Variants in ADGRG6 observed in about 807,000 individuals in gnomAD.
The protein encoded by ADGRG6 is G-protein coupled receptor 126.
Under a neutral mutation model 142.4 loss-of-function variants are expected in ADGRG6, and 84 were observed. The observed-to-expected ratio is 0.59, with a 90% CI of 0.49 to 0.71. ADGRG6 has a LOEUF of 0.71. Among genes scored for constraint, ADGRG6 ranks in the 30% least tolerant of loss-of-function variants. The pLI is 0.00. For synonymous variants in ADGRG6, 521 were observed against 520.5 expected (o/e 1.00, Z -0.01); for missense variants, 1,367 against 1,466.6 (o/e 0.93, Z 1.11).
chr6:142,381,724 T>A (rs1781780182), intron 4 of ADGRG6, among the ~76,000 whole-genome samples: 1 of 152,200 alleles, frequency 6.6e-6, no homozygotes, highest in African/African-American at 2.4e-5. Flanking sequence ...TTTCTTTTCA[T>A]GTGTGATGAC....
intron 22 of ADGRG6, among the ~76,000 whole-genome samples, chr6:142,434,663 G>A (rs901235938): frequency 6.6e-6 from 1 of 152,078 alleles, no homozygotes; most frequent in Admixed American, 6.5e-5. Flanking sequence ...TGAAATCAAT[G>A]ACCAAATATA....
At chr6:142,393,857 G>A (rs1775032801) in intron 8 of ADGRG6, 39 bp from the exon 9 acceptor site, 1 of 1,220,892 alleles carries the variant, frequency 8.2e-7, no homozygotes, top group Non-Finnish European at 1.2e-6. Flanking sequence ...GATGTAGTTG[G>A]TGAGGTGGAT....
At chr6:142,394,926 G>C (rs1005052665) in intron 9 of ADGRG6, among the ~76,000 whole-genome samples, 3 of 152,016 alleles carry the variant, frequency 2.0e-5, no homozygotes, top group African/African-American at 7.2e-5. Context: ...TTGTTGTGAA[G>C]CAAAAGTTTC....
At chr6:142,428,171 G>C (rs1009906282) in intron 22 of ADGRG6, among the ~76,000 whole-genome samples, 17 of 151,762 alleles carry the variant, frequency 1.1e-4, no homozygotes, top group African/African-American at 3.9e-4. Flanking sequence ...TAATTATATG[G>C]GTACTCACAT....
At chr6:142,314,596 C>T (rs957165102) in intron 2 of ADGRG6, among the ~76,000 whole-genome samples, 4 of 152,108 alleles carry the variant, frequency 2.6e-5, no homozygotes, top group Non-Finnish European at 4.4e-5. Context: ...TTCTTGCTTT[C>T]GTGTATCAAT....
intron 2 of ADGRG6, among the ~76,000 whole-genome samples, chr6:142,317,877 T>A (rs1160082287): frequency 9.2e-5 from 7 of 76,414 alleles, no homozygotes; most frequent in Admixed American, 5.2e-4. Flanking sequence ...TTTTATATAT[T>A]ATATATATTT....
intron 2 of ADGRG6, among the ~76,000 whole-genome samples, chr6:142,359,174 T>A (rs922542571): frequency 3.1e-5 from 4 of 129,032 alleles, no homozygotes; most frequent in African/African-American, 6.2e-5. Context: ...ACCAGTGCAC[T>A]CCAGCCTGGG....
chr6:142,404,134 G>T (rs778375496), intron 14 of ADGRG6, 161 bp downstream of exon 14: 45 of 627,464 alleles, frequency 7.2e-5, no homozygotes, highest in Admixed American at 1.2e-4. Context: ...AAAGTATTGT[G>T]GGAGCTCAGA....
intron 22 of ADGRG6, among the ~76,000 whole-genome samples, chr6:142,429,830 T>C (rs1582682145): frequency 6.6e-6 from 1 of 151,992 alleles, no homozygotes; most frequent in South Asian, 2.1e-4. Flanking sequence ...GGCAGGAGGG[T>C]TTCTTGAGAC....
At chr6:142,328,943 T>C (rs551646439) in intron 2 of ADGRG6, among the ~76,000 whole-genome samples, 4 of 152,190 alleles carry the variant, frequency 2.6e-5, no homozygotes, top group Admixed American at 2.0e-4. Context: ...TTCTTACTTA[T>C]ATCCACATCC....
chr6:142,311,092 G>A (rs1244146432), intron 2 of ADGRG6, among the ~76,000 whole-genome samples: 3 of 151,798 alleles, frequency 2.0e-5, no homozygotes, highest in Non-Finnish European at 4.4e-5. Flanking sequence ...AATAAATGAA[G>A]CACATGTTTT....
At chr6:142,329,566 A>G (rs575235087) in intron 2 of ADGRG6, among the ~76,000 whole-genome samples, 57 of 152,236 alleles carry the variant, frequency 3.7e-4, no homozygotes, top group African/African-American at 1.3e-3. Flanking sequence ...AAAAATTGTC[A>G]CAACGTGAGT....
intron 16 of ADGRG6, 42 bp downstream of exon 16, chr6:142,408,311 A>G (rs962215541): frequency 1.4e-6 from 2 of 1,465,880 alleles, no homozygotes; most frequent in Non-Finnish European, 1.8e-6. Context: ...GAAGTGGACT[A>G]TTTAATATAC....
At chr6:142,353,075 A>C (rs1254924105) in intron 2 of ADGRG6, among the ~76,000 whole-genome samples, 2 of 152,134 alleles carry the variant, frequency 1.3e-5, no homozygotes, top group African/African-American at 4.8e-5. Flanking sequence ...AACTCAAGGT[A>C]AGTGGGTCAT....
intron 6 of ADGRG6, among the ~76,000 whole-genome samples, chr6:142,387,416 C>T (rs1193332998): frequency 6.6e-6 from 1 of 152,198 alleles, no homozygotes; most frequent in Non-Finnish European, 1.5e-5. Flanking sequence ...GCTTAAATAA[C>T]AAATTCCTTC....
At chr6:142,400,205 T>C (rs974769656) in intron 10 of ADGRG6, among the ~76,000 whole-genome samples, 1 of 152,236 alleles carries the variant, frequency 6.6e-6, no homozygotes, top group Non-Finnish European at 1.5e-5. Flanking sequence ...ATTAGAATGA[T>C]AATGTATGTT....
intron 14 of ADGRG6, chr6:142,405,402 T>C: frequency 1.9e-6 from 1 of 514,098 alleles, no homozygotes; most frequent in South Asian, 1.5e-5. Context: ...GTAAATCTAA[T>C]TCTTATACTT....
rs545041299 is a variant in ADGRG6 at position 142,302,409 on chromosome 6, C to T, written c.2+78C>T. 4.8e-6 allele frequency: 7 copies of T among 1,445,044 alleles called. No homozygotes were observed. The South Asian group carries it at 7.3e-5, about 15-fold the overall frequency. 89.5% of individuals were successfully genotyped at this position (1,445,044 alleles called of 1,614,324 possible). A position where few individuals can be genotyped will look rare whatever the true frequency, so the allele number is the denominator to read the frequency against. The stretch of plus-strand genomic sequence containing the variant: ...CTTCTGTCGCCCCCTCCCCGACCAC[C>T]CCACCCTCAAGAGAAATGATTTTAT... On this transcript the variant is annotated intron_variant, in intron 1 of 24. Transcript: ENST00000367609.
chr6:142,391,016 G>T lies in ADGRG6; in HGVS notation c.1308+673G>T, dbSNP rs573400386. On this transcript the variant is annotated intron_variant, in intron 7 of 24. Coordinates refer to ENST00000367609, the MANE Select transcript of ADGRG6 (RefSeq NM_198569.3). ...ATGCATAATATTTCATTATGTGGCTGTTCAGTCATTTATTTAGCAGATCTT... is the reference window on the plus strand; with the variant it reads ...ATGCATAATATTTCATTATGTGGCTTTTCAGTCATTTATTTAGCAGATCTT... Among the ~76,000 whole-genome samples, 22 of 151,804 alleles carry T rather than the reference G, an allele frequency of 1.4e-4. No individual in the cohort carries two copies. In the South Asian group the frequency reaches 4.4e-3, roughly 30 times the overall value.
Sources: gnomAD v4.1 joint callset for allele counts (sites outside exome capture counted in the v4.1 genomes callset) on GRCh38, gnomAD v4.1.1 for gene constraint, MANE v1.5 for transcripts, NCBI Gene and HGNC (gene_info 2026-07-23, HGNC 2026-07-21) for gene names.